Variants in C2CD3 observed in about 807,000 individuals in gnomAD.
C2CD3 encodes C2 domain-containing protein 3.
A neutral mutation model predicts 234.0 loss-of-function variants in C2CD3; 148 were observed. That is an observed-to-expected ratio of 0.63 (90% CI 0.55 to 0.72). The LOEUF is 0.72. Ranked by LOEUF, C2CD3 falls within the 30% of genes least tolerant of loss-of-function variation. C2CD3 has a pLI of 0.00. For synonymous variants in C2CD3, 1,000 were observed against 1,035.4 expected, an observed-to-expected ratio of 0.97 and a Z score of 0.66; for missense variants, 2,577 against 2,811.5, an observed-to-expected ratio of 0.92 and a Z score of 1.89.
At chr11:74,160,445 T>C (rs181473845) in intron 3 of C2CD3, among the ~76,000 whole-genome samples, 1 of 152,204 alleles carries the variant, frequency 6.6e-6, no homozygotes, top group Admixed American at 6.5e-5. Context: ...ACAACATGGA[T>C]GAACCTGGAG....
rs1555063728 is a variant in C2CD3, at chr11:74,151,319, T to TTATTTATG, written c.483+10079_483+10080insCATAAATA. ...CATCCAACACTCTTTATTTATTTAT[T>TTATTTATG]TATTTATTTATTTATTGAGACAGGG... On this transcript the variant is annotated intron_variant, in intron 3 of 32. Coordinates refer to ENST00000334126, the MANE Select transcript of C2CD3 (RefSeq NM_001286577.2). Among the ~76,000 whole-genome samples the TTATTTATG allele has an allele frequency of 2.6e-5, 4 of 151,620 alleles. 1 individual carries two copies. Among genetic ancestry groups the TTATTTATG allele is most frequent in the Admixed American group, 2.6e-4 (4 of 15,192 alleles).
intron 2 of C2CD3, among the ~76,000 whole-genome samples, chr11:74,162,331 A>T (rs1315422905): frequency 6.6e-6 from 1 of 152,186 alleles, no homozygotes; most frequent in African/African-American, 2.4e-5. Context: ...AAATAAAAGA[A>T]ATTATGCAAA....
At chr11:74,157,566 C>A (rs974761525) in intron 3 of C2CD3, among the ~76,000 whole-genome samples, 1 of 152,102 alleles carries the variant, frequency 6.6e-6, no homozygotes, top group Non-Finnish European at 1.5e-5. Context: ...ATCTGTTCCA[C>A]TGACAAAATT....
At chr11:74,018,387 G>A (rs987080652) in intron 32 of C2CD3, among the ~76,000 whole-genome samples, 16 of 152,044 alleles carry the variant, frequency 1.1e-4, no homozygotes, top group African/African-American at 2.9e-4. Flanking sequence ...AGTTCTCCCC[G>A]CCCCACTGTC....
intron 2 of C2CD3, among the ~76,000 whole-genome samples, chr11:74,166,333 A>C (rs560672811): frequency 6.6e-6 from 1 of 150,890 alleles, no homozygotes; most frequent in Non-Finnish European, 1.5e-5. Flanking sequence ...AAAAAAAAAA[A>C]AACCATGTCA....
chr11:74,078,552 A>G lies in C2CD3; in HGVS notation c.4166T>C (p.Phe1389Ser). The G allele has an allele frequency of 6.2e-7, 1 of 1,614,068 alleles. No individual in the cohort carries two copies. The highest frequency in any genetic ancestry group is 8.5e-7 in the Non-Finnish European group (1 of 1,179,992). The change falls in exon 23 of 33, where the codon TTT becomes TCT. Residue 1389 changes from phenylalanine to serine, a missense_variant. Physicochemically the swap from Phe to Ser is radical, Grantham distance 155. Coordinates refer to ENST00000334126, the MANE Select transcript of C2CD3 (RefSeq NM_001286577.2). ...LEAAEHLGWS[F>S]ENSLKDFVRM... The stretch of plus-strand genomic sequence containing the variant: ...GACAAAATCTTTCAGGCTGTTCTCA[A>G]AGCTCCAGCCCAAATGCTCAGCAGC...
chr11:74,042,502 C>T (rs1438947266), intron 28 of C2CD3, among the ~76,000 whole-genome samples: 4 of 152,192 alleles, frequency 2.6e-5, no homozygotes, highest in Non-Finnish European at 1.5e-5. Context: ...CCTGTAATCC[C>T]AGCACTTTGG....
chr11:74,087,813 T>C (rs544933878), intron 20 of C2CD3, among the ~76,000 whole-genome samples: 1 of 152,262 alleles, frequency 6.6e-6, no homozygotes, highest in Admixed American at 6.5e-5. Flanking sequence ...AGTAGTGAAG[T>C]AGCCTCAATT....
chr11:74,014,902 C>A (rs1478375821), intron 32 of C2CD3, among the ~76,000 whole-genome samples: 1 of 152,194 alleles, frequency 6.6e-6, no homozygotes, highest in Non-Finnish European at 1.5e-5. Flanking sequence ...TGCTATGAGC[C>A]CACAGGCAGC....
chr11:74,051,056 G>A (rs558066385), intron 26 of C2CD3, among the ~76,000 whole-genome samples: 4 of 151,504 alleles, frequency 2.6e-5, no homozygotes, highest in East Asian at 3.9e-4. Flanking sequence ...GGAGGTTGAG[G>A]AGGGAGGATT....
intron 20 of C2CD3, among the ~76,000 whole-genome samples, chr11:74,089,309 T>A (rs1955785161): frequency 6.6e-6 from 1 of 152,072 alleles, no homozygotes; most frequent in African/African-American, 2.4e-5. Context: ...AATAAAAAGT[T>A]GAAATTAAAC....
intron 32 of C2CD3, among the ~76,000 whole-genome samples, chr11:74,017,881 C>CA (rs1951935775): frequency 6.6e-6 from 1 of 152,206 alleles, no homozygotes; most frequent in South Asian, 2.1e-4. Flanking sequence ...CTCCAGCCCC[C>CA]AGATGGATTC....
In C2CD3 at chr11:74,042,789, A is replaced by T. The variant is rs142294462; in HGVS notation, c.5496-571T>A. ...AGCCCCCCAAAACCAAAAACCATAAATCTGAAGTAATAATAACAAGAGCAA... is the reference window on the plus strand; with the variant it reads ...AGCCCCCCAAAACCAAAAACCATAATTCTGAAGTAATAATAACAAGAGCAA... On this transcript the variant is annotated intron_variant, in intron 28 of 32. Coordinates refer to ENST00000334126, the MANE Select transcript of C2CD3 (RefSeq NM_001286577.2). 4.6e-5 allele frequency among the ~76,000 whole-genome samples: 7 copies of T among 151,926 alleles called. No individual in the cohort carries two copies. In the East Asian group the frequency reaches 1.4e-3, roughly 29 times the overall value.
intron 12 of C2CD3, among the ~76,000 whole-genome samples, chr11:74,107,528 A>G (rs1048091220): frequency 2.0e-5 from 3 of 152,238 alleles, no homozygotes; most frequent in Non-Finnish European, 2.9e-5. Flanking sequence ...AAAGTTTCTA[A>G]TAATATTAAC....
intron 23 of C2CD3, among the ~76,000 whole-genome samples, chr11:74,077,721 T>A (rs888741579): frequency 7.1e-6 from 1 of 139,874 alleles, no homozygotes; most frequent in African/African-American, 2.6e-5. Context: ...GGCACATGTA[T>A]ACCTATGTAA....
At chr11:74,017,376 G>A (rs1327874119) in intron 32 of C2CD3, among the ~76,000 whole-genome samples, 4 of 152,184 alleles carry the variant, frequency 2.6e-5, no homozygotes, top group Non-Finnish European at 5.9e-5. Context: ...ATCCATACAT[G>A]GGACCTGTTC....
chr11:74,049,289 A>C (rs1277444992), intron 27 of C2CD3, 48 bp downstream of exon 27: 2 of 1,465,348 alleles, frequency 1.4e-6, no homozygotes. Context: ...ATGTTCTTAT[A>C]GGTCAGTACA....
chr11:74,142,237 A>T (rs1287933198), intron 3 of C2CD3: 2 of 152,236 alleles, frequency 1.3e-5, no homozygotes, highest in African/African-American at 4.8e-5. Context: ...TGGGGGTTAC[A>T]GATCTCTCTC....
rs150524837 is a variant in C2CD3, at chr11:74,101,911, C to T, written c.2580+1220G>A. ...CCATCTTGAAGGATATAGGGAATCA[C>T]GGAAAGGCTTTAAGCAGGAAAGTAA... is the stretch of plus-strand genomic sequence containing the variant. On this transcript the variant is annotated intron_variant, in intron 14 of 32. Coordinates refer to ENST00000334126, the MANE Select transcript of C2CD3 (RefSeq NM_001286577.2). Among the ~76,000 whole-genome samples the T allele has an allele frequency of 3.3e-5, 5 of 151,398 alleles. No homozygotes were observed. In the East Asian group the frequency reaches 7.7e-4, roughly 23 times the overall value.
Sources: gnomAD v4.1 joint callset for allele counts (sites outside exome capture counted in the v4.1 genomes callset) on GRCh38, gnomAD v4.1.1 for gene constraint, MANE v1.5 for transcripts, NCBI Gene and HGNC (gene_info 2026-07-23, HGNC 2026-07-21) for gene names.